Variants in EIF3E observed in about 807,000 individuals in gnomAD.
EIF3E encodes eIF-3 p48.
In EIF3E, 25 loss-of-function variants were observed where a neutral mutation model predicts 59.3. That is an observed-to-expected ratio of 0.42 (90% CI 0.31 to 0.59). The LOEUF (loss-of-function observed/expected upper bound fraction) is 0.59, where lower values mean the gene tolerates loss of function less well. Ranked by LOEUF, EIF3E falls within the 20% of genes least tolerant of loss-of-function variation. The pLI is 0.15. For missense variants in EIF3E, 317 were observed against 534.3 expected, an observed-to-expected ratio of 0.59 and a Z score of 4.01; for synonymous variants, 176 against 170.2, an observed-to-expected ratio of 1.03 and a Z score of -0.26.
intron 1 of EIF3E, among the ~76,000 whole-genome samples, chr8:108,244,138 A>G (rs566427621): frequency 3.3e-5 from 5 of 152,372 alleles, no homozygotes; most frequent in African/African-American, 1.2e-4. Flanking sequence ...AAATTTTGAA[A>G]CAGAAATAAT....
intron 1 of EIF3E, 123 bp from the exon 2 acceptor site, chr8:108,242,036 T>A: frequency 8.2e-7 from 1 of 1,218,228 alleles, no homozygotes; most frequent in Non-Finnish European, 1.1e-6. Flanking sequence ...GATAAACCAT[T>A]AACATTCCCC....
intron 1 of EIF3E, among the ~76,000 whole-genome samples, chr8:108,247,038 A>C (rs1148149): frequency 0.97 from 148,198 of 152,228 alleles, 72,161 homozygotes; most frequent in East Asian, 1. Flanking sequence ...ATGTACTTAG[A>C]AATTGCTAAT....
rs1815325488 is a variant in EIF3E at position 108,217,451 on chromosome 8, A to G, written c.732T>C (p.Asn244=). 1 of 1,595,400 alleles carries G rather than the reference A, an allele frequency of 6.3e-7. No individual in the cohort carries two copies. The highest frequency in any genetic ancestry group is 1.4e-5 in the African/African-American group (1 of 74,042). The change falls in exon 8 of 13, where the codon AAT becomes AAC. Residue 244 remains asparagine, a synonymous_variant. Coordinates refer to ENST00000220849, the MANE Select transcript of EIF3E (RefSeq NM_001568.3). The part of the protein sequence containing the change: ...DLFLYQPQYL[N]AIQTMCPHIL... ...TGTGTGGACACATTGTCTGAATTGC[A>G]TTAAGATATCTAAGAAAAAATATAA...
intron 1 of EIF3E, among the ~76,000 whole-genome samples, chr8:108,245,125 C>T (rs1303504068): frequency 1.3e-5 from 2 of 151,142 alleles, no homozygotes; most frequent in South Asian, 2.1e-4. Flanking sequence ...CTCACTGCCC[C>T]CCCCTCCCAT....
chr8:108,244,490 T>G (rs1815907311), intron 1 of EIF3E, among the ~76,000 whole-genome samples: 1 of 152,128 alleles, frequency 6.6e-6, no homozygotes, highest in Admixed American at 6.5e-5. Flanking sequence ...GCCCTAAAAT[T>G]CCTTTATTCC....
At position 108,203,029 on chromosome 8, in the gene EIF3E, A is replaced by G. The variant is rs760293190; in HGVS notation, c.1253T>C (p.Leu418Ser). The G allele has an allele frequency of 6.2e-7, 1 of 1,612,678 alleles. No homozygotes were observed. The highest frequency in any genetic ancestry group is 8.5e-7 in the Non-Finnish European group (1 of 1,179,128). The change falls in exon 12 of 13, where the codon TTG becomes TCG. Residue 418 changes from leucine to serine, a missense_variant. Around this residue, in one of 4 missense-constraint regions of EIF3E, gnomAD observed 45 missense variants for 97.8 expected, o/e 0.46. Transcript: ENST00000220849. ...AAGTTTCTTCTCAATATTCATGGCC[A>G]ACATCTGGCTTCTAAAGGAAAGGCT... ...TKSLSFRSQMLAMNIEKKLNQ... is the reference protein window; with the variant it reads ...TKSLSFRSQMSAMNIEKKLNQ...
At chr8:108,233,731 G>C (rs969244785) in intron 5 of EIF3E, 1 of 308,654 alleles carries the variant, frequency 3.2e-6, no homozygotes, top group Non-Finnish European at 6.6e-6. Context: ...TGTAGTCCTA[G>C]CTATTCAGGA....
intron 9 of EIF3E, 119 bp from the exon 10 acceptor site, chr8:108,214,835 A>G (rs1428901909): frequency 3.9e-6 from 3 of 766,066 alleles, no homozygotes; most frequent in Non-Finnish European, 6.4e-6. Context: ...ATACCACAGC[A>G]CTTTCTAGAA....
intron 5 of EIF3E, among the ~76,000 whole-genome samples, chr8:108,230,455 A>G (rs961274349): frequency 5.3e-5 from 8 of 152,170 alleles, no homozygotes; most frequent in Admixed American, 1.3e-4. Context: ...ACATATATTT[A>G]CATATACATT....
At chr8:108,219,766 G>A (rs1035717937) in intron 7 of EIF3E, among the ~76,000 whole-genome samples, 4 of 151,892 alleles carry the variant, frequency 2.6e-5, no homozygotes, top group African/African-American at 7.3e-5. Context: ...TTAGGAGGTC[G>A]AGGCTGCAAT....
chr8:108,210,008 C>A (rs1248620457), intron 10 of EIF3E, among the ~76,000 whole-genome samples: 1 of 151,128 alleles, frequency 6.6e-6, no homozygotes, highest in African/African-American at 2.4e-5. Context: ...TTTCTTACAA[C>A]TGATACATAA....
chr8:108,242,504 C>T (rs1815857371), intron 1 of EIF3E: 1 of 1,185,264 alleles, frequency 8.4e-7, no homozygotes, highest in Admixed American at 3.4e-5. Flanking sequence ...AAAGATTCTA[C>T]AAAATATTCA....
intron 10 of EIF3E, among the ~76,000 whole-genome samples, chr8:108,212,619 T>C (rs1434530207): frequency 6.6e-6 from 1 of 152,150 alleles, no homozygotes; most frequent in Middle Eastern, 3.2e-3. Context: ...CTGGCCAACA[T>C]GGTGAAACCC....
At chr8:108,235,922 C>T (rs1440289363) in intron 4 of EIF3E, among the ~76,000 whole-genome samples, 1 of 152,156 alleles carries the variant, frequency 6.6e-6, no homozygotes, top group Non-Finnish European at 1.5e-5. Context: ...TATTACAACT[C>T]TGGAATAAAT....
chr8:108,242,118 A>G (rs1472019128), intron 1 of EIF3E: 10 of 1,442,764 alleles, frequency 6.9e-6, no homozygotes, highest in Non-Finnish European at 9.2e-6. Context: ...TTACCTAAAA[A>G]TTTTAAAATG....
In EIF3E at chr8:108,216,454, A is replaced by G; in HGVS notation, c.909T>C (p.Phe303=). 1 of 1,610,806 alleles carries G rather than the reference A, an allele frequency of 6.2e-7. No individual in the cohort carries two copies. Among genetic ancestry groups the G allele is most frequent in the Non-Finnish European group, 8.5e-7 (1 of 1,178,982 alleles). Residue 303 remains phenylalanine, a synonymous_variant, in exon 9 of 13, where the codon TTT becomes TTC. Coordinates refer to ENST00000220849, the MANE Select transcript of EIF3E (RefSeq NM_001568.3). ...GCTTTTTCTGAGCCCCATCAAAGTC[A>G]AAGTTAACATATAAACATTCAACAA... ...TEFVECLYVN[F]DFDGAQKKLR...
chr8:108,248,395 T>TTC (rs1245457210), intron 1 of EIF3E, among the ~76,000 whole-genome samples: 1 of 152,124 alleles, frequency 6.6e-6, no homozygotes, highest in Non-Finnish European at 1.5e-5. Flanking sequence ...GAGACTTCTT[T>TTC]TCTCTCTCCG....
intron 5 of EIF3E, among the ~76,000 whole-genome samples, chr8:108,232,290 A>G (rs1186691074): frequency 6.6e-6 from 1 of 152,218 alleles, no homozygotes; most frequent in Non-Finnish European, 1.5e-5. Flanking sequence ...TGGCTCAGAC[A>G]GGACAAAAAT....
intron 10 of EIF3E, among the ~76,000 whole-genome samples, chr8:108,210,344 T>C (rs1270997272): frequency 6.6e-6 from 1 of 152,220 alleles, no homozygotes; most frequent in Non-Finnish European, 1.5e-5. Flanking sequence ...TCAGAAGGCC[T>C]GGGATAAAAC....
Sources: gnomAD v4.1 joint callset for allele counts (sites outside exome capture counted in the v4.1 genomes callset) on GRCh38, gnomAD v4.1.1 for gene constraint, gnomAD v4.1.1 regional missense constraint, MANE v1.5 for transcripts, NCBI Gene and HGNC (gene_info 2026-07-23, HGNC 2026-07-21) for gene names.